The following PARP16 variants were observed in gnomAD, a reference collection of about 807,000 sequenced individuals.
PARP16 encodes the protein protein mono-ADP-ribosyltransferase PARP16.
PARP16 carries 31 observed loss-of-function variants against 35.0 expected under a neutral mutation model. The observed-to-expected ratio is 0.88, with a 90% CI of 0.66 to 1.19. The LOEUF is 1.19. Ranked by LOEUF, PARP16 falls within the 50% of genes most tolerant of loss-of-function variation. The pLI, the probability that PARP16 is intolerant of heterozygous loss-of-function variation, is 0.00. For synonymous variants in PARP16, 162 were observed against 169.5 expected, an observed-to-expected ratio of 0.96 and a Z score of 0.34; for missense variants, 424 against 411.2, an observed-to-expected ratio of 1.03 and a Z score of -0.27.
intron 1 of PARP16, among the ~76,000 whole-genome samples, chr15:65,283,092 A>G (rs73468785): frequency 0.016 from 2,371 of 152,270 alleles, 72 homozygotes; most frequent in African/African-American, 0.055. Flanking sequence ...CAGAAAGAAA[A>G]TAAGTTCCAG....
intron 1 of PARP16, among the ~76,000 whole-genome samples, chr15:65,273,439 G>A (rs2090153503): frequency 6.6e-6 from 1 of 152,104 alleles, no homozygotes; most frequent in South Asian, 2.1e-4. Context: ...GGAGGCTGGG[G>A]TGGATTTCTT....
At position 65,260,789 on chromosome 15, in the gene PARP16, G is replaced by A. The variant is rs141486612; in HGVS notation, c.833+96C>T. 1.4e-3 allele frequency: 1,438 copies of A among 1,047,918 alleles called. 2 individuals are homozygous for A. The highest frequency in any genetic ancestry group is 1.8e-3 in the Non-Finnish European group (1,245 of 687,308). 64.9% of individuals were successfully genotyped at this position (1,047,918 alleles called of 1,614,324 possible). On this transcript the variant is annotated intron_variant, in intron 5 of 5. Coordinates refer to ENST00000649807, the MANE Select transcript of PARP16 (RefSeq NM_001316943.2). The stretch of plus-strand genomic sequence containing the variant: ...GTGCTTTACATACTTGACATCTAGC[G>A]GAGGTCTAAGGCTGGGGGAGGGGAG...
chr15:65,273,417 C>T (rs2090152881), intron 1 of PARP16, among the ~76,000 whole-genome samples: 1 of 151,830 alleles, frequency 6.6e-6, no homozygotes, highest in African/African-American at 2.4e-5. Flanking sequence ...TGCCTATAAT[C>T]CTAGCTACTC....
At chr15:65,233,581 C>CAA (rs1458082630), downstream of PARP16, among the ~76,000 whole-genome samples, 1 of 151,662 alleles carries the variant, frequency 6.6e-6, no homozygotes, top group African/African-American at 2.4e-5. Flanking sequence ...ACTAAAAATA[C>CAA]AAAAATTAGT....
At position 65,279,480 on chromosome 15, in the gene PARP16, T is replaced by C. The variant is rs73468780; in HGVS notation, c.174+6773A>G. Among the ~76,000 whole-genome samples the C allele has an allele frequency of 9.2e-3, 1,408 of 152,262 alleles. 20 individuals carry two copies. The highest frequency in any genetic ancestry group is 0.032 in the African/African-American group (1,350 of 41,542). Reference sequence around the variant, plus strand: ...TCCATATCACCATCCCATTAGCTGATATCTTTCTAGACACATACCTACCCA... The same window carrying C: ...TCCATATCACCATCCCATTAGCTGACATCTTTCTAGACACATACCTACCCA... On this transcript the variant is annotated intron_variant, in intron 1 of 5. Coordinates refer to ENST00000649807, the MANE Select transcript of PARP16 (RefSeq NM_001316943.2).
chr15:65,247,868 A>G (rs1265798932), intron 3 of PARP16, among the ~76,000 whole-genome samples: 1 of 141,374 alleles, frequency 7.1e-6, no homozygotes. Context: ...GCAGTGGCGC[A>G]ATCTCGGCTC....
intron 3 of PARP16, among the ~76,000 whole-genome samples, chr15:65,242,352 G>A (rs542404064): frequency 2.7e-4 from 41 of 151,786 alleles, no homozygotes; most frequent in Admixed American, 1.4e-3. Context: ...GCTATTCAAG[G>A]TCCTTTGCAT....
In PARP16 at chr15:65,286,336, G is replaced by A. The variant is rs896076678; in HGVS notation, c.91C>T (p.Leu31=). ...ACCGAGTCGCGCTTGTAGCTCTGCA[G>A]GGCCGAGGCGAAGAGGCTGCACCGG... ...DLRCSLFASA[L]QSYKRDSVLR... is the part of the protein sequence containing the mutation. The change falls in exon 1 of 6, where the codon CTG becomes TTG. Residue 31 remains leucine, a synonymous_variant. Coordinates refer to ENST00000649807, the MANE Select transcript of PARP16 (RefSeq NM_001316943.2). The A allele has an allele frequency of 1.0e-5, 16 of 1,603,212 alleles. No homozygotes were observed. The highest frequency in any genetic ancestry group is 1.7e-4 in the Middle Eastern group (1 of 6,056).
chr15:65,269,673 T>C (rs1318663927), intron 2 of PARP16, among the ~76,000 whole-genome samples: 1 of 152,206 alleles, frequency 6.6e-6, no homozygotes, highest in South Asian at 2.1e-4. Flanking sequence ...CCTCCTTTCT[T>C]AGTACTATAA....
intron 1 of PARP16, chr15:65,282,719 G>C (rs924229217): frequency 1.8e-4 from 28 of 152,188 alleles, no homozygotes; most frequent in African/African-American, 6.5e-4. Context: ...ATCTGGGACT[G>C]GTACAATAAA....
downstream of PARP16, among the ~76,000 whole-genome samples, chr15:65,255,419 A>G (rs2089470052): frequency 6.6e-6 from 1 of 152,152 alleles, no homozygotes. Flanking sequence ...TGCAGTAATA[A>G]AATATAATTT....
intron 3 of PARP16, among the ~76,000 whole-genome samples, chr15:65,240,014 A>G (rs1462801821): frequency 7.5e-5 from 10 of 132,582 alleles, no homozygotes; most frequent in African/African-American, 3.0e-4. Flanking sequence ...CTGGCGTGCA[A>G]TGGCGCGATC....
downstream of PARP16, among the ~76,000 whole-genome samples, chr15:65,233,388 C>T (rs564071587): frequency 5.3e-5 from 8 of 151,900 alleles, no homozygotes; most frequent in South Asian, 2.1e-4. Flanking sequence ...GGTGACAGAT[C>T]GAGACTCCGT....
chr15:65,240,346 G>GTC (rs1317917820), intron 3 of PARP16, among the ~76,000 whole-genome samples: 1 of 148,094 alleles, frequency 6.8e-6, no homozygotes, highest in East Asian at 2.0e-4. Flanking sequence ...GTGTGTGTGT[G>GTC]TGTGTGTGTG....
chr15:65,269,937 A>G (rs1281845207), intron 2 of PARP16, among the ~76,000 whole-genome samples: 1 of 152,202 alleles, frequency 6.6e-6, no homozygotes, highest in East Asian at 1.9e-4. Flanking sequence ...TGAAACCCAG[A>G]GATTCACTAG....
At chr15:65,265,580 T>G (rs879451440) in intron 3 of PARP16, among the ~76,000 whole-genome samples, 1 of 152,170 alleles carries the variant, frequency 6.6e-6, no homozygotes, top group Non-Finnish European at 1.5e-5. Flanking sequence ...GGACCTCTCC[T>G]CGGTGCATCT....
At position 65,286,475 on chromosome 15, in the gene PARP16, G is replaced by A. The variant is rs1223537019; in HGVS notation, c.-49C>T. 7.4e-7 allele frequency: 1 copy of A among 1,354,324 alleles called. No individual in the cohort carries two copies. Among genetic ancestry groups the A allele is most frequent in the Non-Finnish European group, 9.6e-7 (1 of 1,041,956 alleles). 83.9% of individuals were successfully genotyped at this position (1,354,324 alleles called of 1,614,324 possible). The stretch of plus-strand genomic sequence containing the variant: ...GGTAGACGCGCTGGTTAGGGGCAAG[G>A]GCGAGCGTGCGTTCAGCGCGGGGGC... On this transcript the variant is annotated 5_prime_UTR_variant, in exon 1 of 6. Coordinates refer to ENST00000649807, the MANE Select transcript of PARP16 (RefSeq NM_001316943.2).
At chr15:65,250,413 T>C (rs1408948642) in intron 2 of PARP16, among the ~76,000 whole-genome samples, 3 of 152,004 alleles carry the variant, frequency 2.0e-5, no homozygotes, top group Admixed American at 6.6e-5. Flanking sequence ...CCACTGTGCC[T>C]GGCCATGCCT....
intron 2 of PARP16, among the ~76,000 whole-genome samples, chr15:65,252,847 G>A (rs978829470): frequency 5.3e-5 from 8 of 152,262 alleles, no homozygotes; most frequent in African/African-American, 1.7e-4. Flanking sequence ...AATGCAAGGC[G>A]GCTGGGCGTG....
Sources: allele counts gnomAD v4.1 joint callset (sites outside exome capture counted in the v4.1 genomes callset), GRCh38; gene constraint gnomAD v4.1.1; transcripts MANE v1.5; gene names NCBI Gene and HGNC (gene_info 2026-07-23, HGNC 2026-07-21).